SNCAIP: variants seen among roughly 807,000 people sequenced by gnomAD.
SNCAIP encodes the protein synphilin-1.
SNCAIP carries 43 observed loss-of-function variants against 86.7 expected under a neutral mutation model. That is an observed-to-expected ratio of 0.50 (90% CI 0.39 to 0.64). The LOEUF is 0.64. Ranked by LOEUF, SNCAIP falls within the 30% of genes least tolerant of loss-of-function variation. The pLI is 0.00. For missense variants in SNCAIP, 981 were observed against 1,103.1 expected (o/e 0.89, Z 1.57); for synonymous variants, 417 against 427.2 (o/e 0.98, Z 0.29).
intron 1 of SNCAIP, among the ~76,000 whole-genome samples, chr5:122,347,369 G>T (rs1205887933): frequency 2.0e-5 from 3 of 151,154 alleles, no homozygotes; most frequent in African/African-American, 2.4e-5. Flanking sequence ...ACCGGTTGTA[G>T]GAGTGCTTTA....
intron 2 of SNCAIP, among the ~76,000 whole-genome samples, chr5:122,393,173 A>T (rs1442676253): frequency 1.3e-5 from 2 of 152,186 alleles, no homozygotes; most frequent in African/African-American, 4.8e-5. Context: ...CCTCTTAAAC[A>T]TGTTTCGATT....
At chr5:122,406,191 T>C (rs1487286090) in intron 3 of SNCAIP, among the ~76,000 whole-genome samples, 4 of 152,120 alleles carry the variant, frequency 2.6e-5, no homozygotes, top group Non-Finnish European at 2.9e-5. Context: ...TGATGAAGTT[T>C]TCGGAGCTGG....
intron 1 of SNCAIP, among the ~76,000 whole-genome samples, chr5:122,358,983 T>C (rs1373789631): frequency 2.0e-5 from 3 of 152,188 alleles, no homozygotes; most frequent in Non-Finnish European, 4.4e-5. Context: ...AAAAAATAAG[T>C]TTGATTCTTA....
chr5:122,363,682 G>GT (rs1260462985), intron 1 of SNCAIP, among the ~76,000 whole-genome samples: 2 of 54,994 alleles, frequency 3.6e-5, no homozygotes, highest in Non-Finnish European at 9.9e-5. Flanking sequence ...CTGGTAAGGA[G>GT]TTAAAAAAAA....
Position 122,452,941 on chromosome 5 carries a change from G to C in SNCAIP, c.2754+1340G>C, listed in dbSNP as rs1234744468. Reference sequence around the variant, plus strand: ...CCTCTCTAGGAAATGTACAGCAGCTGCATCAATCTTTCCTCTAACATGCTG... The same window carrying C: ...CCTCTCTAGGAAATGTACAGCAGCTCCATCAATCTTTCCTCTAACATGCTG... On this transcript the variant is annotated intron_variant, in intron 10 of 10. Coordinates refer to ENST00000261368, the MANE Select transcript of SNCAIP (RefSeq NM_005460.4). 2.6e-6 allele frequency: 4 copies of C among 1,547,894 alleles called. No homozygotes were observed. The South Asian group carries it at 3.6e-5, about 14-fold the overall frequency.
At chr5:122,438,611 A>T (rs546232482) in intron 6 of SNCAIP, among the ~76,000 whole-genome samples, 1 of 152,350 alleles carries the variant, frequency 6.6e-6, no homozygotes, top group South Asian at 2.1e-4. Context: ...TTTTGTGACC[A>T]GAAATATGTC....
intron 1 of SNCAIP, among the ~76,000 whole-genome samples, chr5:122,328,050 A>G (rs115962473): frequency 1.8e-4 from 27 of 152,356 alleles, no homozygotes; most frequent in Non-Finnish European, 2.9e-4. Flanking sequence ...GAAACTAGAT[A>G]TAAGTATTTT....
intron 7 of SNCAIP, chr5:122,443,534 C>T (rs1335532058): frequency 2.2e-6 from 1 of 452,646 alleles, no homozygotes; most frequent in Admixed American, 2.4e-5. Flanking sequence ...AAATCTCAGT[C>T]TTACTTCTGA....
intron 1 of SNCAIP, among the ~76,000 whole-genome samples, chr5:122,332,237 T>C (rs1580835326): frequency 6.6e-6 from 1 of 152,380 alleles, no homozygotes; most frequent in East Asian, 1.9e-4. Flanking sequence ...ATTTTGTATC[T>C]TGCGTTTTCC....
intron 7 of SNCAIP, among the ~76,000 whole-genome samples, chr5:122,441,723 G>C (rs1780975693): frequency 6.6e-6 from 1 of 152,146 alleles, no homozygotes; most frequent in African/African-American, 2.4e-5. Context: ...TTTCCACCTT[G>C]AAAATGTCGA....
chr5:122,315,712 G>A (rs1031743175), intron 1 of SNCAIP, among the ~76,000 whole-genome samples: 3 of 152,144 alleles, frequency 2.0e-5, no homozygotes, highest in East Asian at 1.9e-4. Flanking sequence ...ACCCCAGGTA[G>A]AGGAAGTATG....
chr5:122,361,184 A>C (rs1458274483), intron 1 of SNCAIP, among the ~76,000 whole-genome samples: 2 of 151,914 alleles, frequency 1.3e-5, no homozygotes, highest in African/African-American at 4.8e-5. Flanking sequence ...TTGAAAAAAA[A>C]AAAAAAAAAG....
At chr5:122,344,594 T>C (rs976141263) in intron 1 of SNCAIP, among the ~76,000 whole-genome samples, 23 of 152,304 alleles carry the variant, frequency 1.5e-4, no homozygotes, top group African/African-American at 5.5e-4. Context: ...CCAACATTTC[T>C]TATGCAGTCA....
At chr5:122,424,821 G>A (rs1477422007) in intron 4 of SNCAIP, among the ~76,000 whole-genome samples, 1 of 152,184 alleles carries the variant, frequency 6.6e-6, no homozygotes, top group East Asian at 1.9e-4. Flanking sequence ...CCAAAGCCAT[G>A]TAGCCTCCAG....
intron 10 of SNCAIP, among the ~76,000 whole-genome samples, chr5:122,453,206 A>G (rs1188474439): frequency 6.6e-6 from 1 of 152,158 alleles, no homozygotes; most frequent in Non-Finnish European, 1.5e-5. Context: ...GCTTTATTCC[A>G]GTGTCAGCCA....
At chr5:122,462,180 A>G (rs1478239380) in intron 10 of SNCAIP, among the ~76,000 whole-genome samples, 1 of 152,136 alleles carries the variant, frequency 6.6e-6, no homozygotes, top group Non-Finnish European at 1.5e-5. Context: ...TCAGAAGTAC[A>G]CGGTGCTTCT....
chr5:122,396,790 A>T (rs900942493), intron 2 of SNCAIP, among the ~76,000 whole-genome samples: 2 of 152,138 alleles, frequency 1.3e-5, no homozygotes, highest in African/African-American at 4.8e-5. Flanking sequence ...TTTGACAGTG[A>T]TTGATTATTG....
intron 1 of SNCAIP, among the ~76,000 whole-genome samples, chr5:122,351,553 A>G (rs1423316166): frequency 6.9e-6 from 1 of 143,940 alleles, no homozygotes; most frequent in Non-Finnish European, 1.6e-5. Flanking sequence ...AAAAAAAAAA[A>G]AAAAAAAAAA....
chr5:122,351,558 A>AAAAAAAAAAAAAAAAAAAAAAAC, intron 1 of SNCAIP, among the ~76,000 whole-genome samples: 1 of 149,806 alleles, frequency 6.7e-6, no homozygotes, highest in Non-Finnish European at 1.5e-5. Flanking sequence ...AAAAAAAAAA[A>AAAAAAAAAAAAAAAAAAAAAAAC]AAAAAAAAGA....
Sources: allele counts gnomAD v4.1 joint callset (sites outside exome capture counted in the v4.1 genomes callset), GRCh38; gene constraint gnomAD v4.1.1; transcripts MANE v1.5; gene names NCBI Gene and HGNC (gene_info 2026-07-23, HGNC 2026-07-21).